Variants in TSPEAR observed in about 807,000 individuals in gnomAD.
TSPEAR encodes the protein thrombospondin type laminin G domain and EAR repeats.
A neutral mutation model predicts 71.6 loss-of-function variants in TSPEAR; 69 were observed. The observed-to-expected ratio is 0.96, with a 90% CI of 0.79 to 1.18. TSPEAR has a LOEUF of 1.18. Ranked by LOEUF, TSPEAR falls within the 50% of genes most tolerant of loss-of-function variation. TSPEAR has a pLI of 0.00. For missense variants in TSPEAR, 971 were observed against 894.9 expected, an observed-to-expected ratio of 1.09 and a Z score of -1.09; for synonymous variants, 402 against 387.2, an observed-to-expected ratio of 1.04 and a Z score of -0.45.
chr21:44,694,952 C>G (rs1340629307), intron 1 of TSPEAR, among the ~76,000 whole-genome samples: 1 of 152,218 alleles, frequency 6.6e-6, no homozygotes, highest in Non-Finnish European at 1.5e-5. Context: ...TCTGCTCACA[C>G]AGAGCATGGA....
chr21:44,688,110 A>T (rs1986942992), intron 1 of TSPEAR, among the ~76,000 whole-genome samples: 1 of 152,226 alleles, frequency 6.6e-6, no homozygotes, highest in South Asian at 2.1e-4. Context: ...AGTTCAGAAG[A>T]TGAAAACAGT....
intron 1 of TSPEAR, among the ~76,000 whole-genome samples, chr21:44,570,575 G>T (rs193090489): frequency 8.3e-4 from 127 of 152,358 alleles, no homozygotes; most frequent in African/African-American, 3.1e-3. Flanking sequence ...TGAGGATGGA[G>T]AAGGAGGGAA....
intron 1 of TSPEAR, among the ~76,000 whole-genome samples, chr21:44,660,207 T>C (rs9978068): frequency 0.11 from 15,993 of 152,134 alleles, 1,485 homozygotes; most frequent in African/African-American, 0.25. Context: ...AAGAAATATT[T>C]AAAGAGGTAA....
At position 44,623,921 on chromosome 21, in the gene TSPEAR, A is replaced by G. The variant is rs1176182029; in HGVS notation, c.83-55916T>C. ...GTATTCACCTTGCTAAACATTCTTAAATGCTTTTTGCATCTATGGGTTAAT... is the reference window on the plus strand; with the variant it reads ...GTATTCACCTTGCTAAACATTCTTAGATGCTTTTTGCATCTATGGGTTAAT... On this transcript the variant is annotated intron_variant, in intron 1 of 11. Coordinates refer to ENST00000323084, the MANE Select transcript of TSPEAR (RefSeq NM_144991.3). This position sits in a 1 kb window ranked among gnomAD's most constrained non-coding sequence, Gnocchi z 4.5. 2.0e-5 allele frequency among the ~76,000 whole-genome samples: 3 copies of G among 152,132 alleles called. No homozygotes were observed. Among genetic ancestry groups the G allele is most frequent in the African/African-American group, 7.2e-5 (3 of 41,410 alleles).
intron 2 of TSPEAR, chr21:44,539,252 C>A (rs1555916762): frequency 6.3e-7 from 1 of 1,585,520 alleles, no homozygotes; most frequent in South Asian, 1.2e-5. Flanking sequence ...GCCCAGCTGG[C>A]CCAGGGCGGG....
At chr21:44,535,261 G>T (rs1310565935) in intron 2 of TSPEAR, among the ~76,000 whole-genome samples, 1 of 152,052 alleles carries the variant, frequency 6.6e-6, no homozygotes, top group African/African-American at 2.4e-5. Context: ...TAAAAAACAA[G>T]AACGTATACA....
At chr21:44,664,548 T>C (rs1555944310) in intron 1 of TSPEAR, among the ~76,000 whole-genome samples, 1 of 152,198 alleles carries the variant, frequency 6.6e-6, no homozygotes, top group Non-Finnish European at 1.5e-5. Flanking sequence ...TCTGTAGATA[T>C]TGATAAGCTT....
intron 1 of TSPEAR, among the ~76,000 whole-genome samples, chr21:44,691,010 T>A (rs959690089): frequency 6.6e-6 from 1 of 152,190 alleles, no homozygotes; most frequent in Admixed American, 6.5e-5. Context: ...GCTTCTCTAA[T>A]TTAAAGTGGG....
At chr21:44,637,439 A>G (rs1555936982) in intron 1 of TSPEAR, 1 of 1,609,994 alleles carries the variant, frequency 6.2e-7, no homozygotes, top group Non-Finnish European at 8.5e-7. Context: ...CACCATGTCC[A>G]TCTGCTCCAG....
intron 3 of TSPEAR, among the ~76,000 whole-genome samples, chr21:44,531,910 G>A (rs1177538162): frequency 5.9e-5 from 9 of 152,310 alleles, no homozygotes; most frequent in East Asian, 3.9e-4. Context: ...GGAAGAGCAG[G>A]GGTGCCTTCG....
rs144648804 is a variant in TSPEAR, at chr21:44,512,750, C to T, written c.1567-3364G>A. Among the ~76,000 whole-genome samples, 424 of 151,432 alleles carry T rather than the reference C, an allele frequency of 2.8e-3. 2 individuals are homozygous for T. Among genetic ancestry groups the T allele is most frequent in the Middle Eastern group, 0.011 (3 of 282 alleles). Reference sequence around the variant, plus strand: ...ATCTTGGTTGGAGCCCAAGGTGGGGCGTGTATTTGTTCCAGGAAGAGCACG... The same window carrying T: ...ATCTTGGTTGGAGCCCAAGGTGGGGTGTGTATTTGTTCCAGGAAGAGCACG... On this transcript the variant is annotated intron_variant, in intron 9 of 11. Transcript: ENST00000323084.
intron 1 of TSPEAR, among the ~76,000 whole-genome samples, chr21:44,587,385 C>T (rs1979409341): frequency 6.6e-6 from 1 of 152,146 alleles, no homozygotes; most frequent in Non-Finnish European, 1.5e-5. Context: ...AAATAAATCA[C>T]AGACAACACA....
At chr21:44,685,287 C>A (rs1252077682) in intron 1 of TSPEAR, among the ~76,000 whole-genome samples, 3 of 152,164 alleles carry the variant, frequency 2.0e-5, no homozygotes, top group African/African-American at 7.2e-5. Flanking sequence ...CTGTGTGACA[C>A]CACCGTAGAA....
At chr21:44,630,441 G>C (rs1983189761) in intron 1 of TSPEAR, among the ~76,000 whole-genome samples, 2 of 152,210 alleles carry the variant, frequency 1.3e-5, no homozygotes, top group African/African-American at 4.8e-5. Flanking sequence ...AAAAAACCTG[G>C]GAGGAAGAGC....
chr21:44,698,078 A>G, intron 1 of TSPEAR: 1 of 1,080,870 alleles, frequency 9.3e-7, no homozygotes, highest in South Asian at 1.6e-5. Flanking sequence ...ATGCGTGCAC[A>G]GCCTCTCTTC....
At chr21:44,601,875 T>C in intron 1 of TSPEAR, 1 of 1,179,380 alleles carries the variant, frequency 8.5e-7, no homozygotes, top group Admixed American at 2.8e-5. Context: ...CAGTGTGCGC[T>C]TCTCCTCCTA....
chr21:44,697,572 G>C, intron 1 of TSPEAR: 2 of 1,613,280 alleles, frequency 1.2e-6, no homozygotes, highest in Non-Finnish European at 1.7e-6. Flanking sequence ...ATGCCCGTCT[G>C]CTGTGGGCCT....
intron 1 of TSPEAR, among the ~76,000 whole-genome samples, chr21:44,594,438 C>CT (rs1980221443): frequency 6.6e-6 from 1 of 152,158 alleles, no homozygotes; most frequent in Non-Finnish European, 1.5e-5. Flanking sequence ...TGAAAGTGTG[C>CT]TGGGTGTGCC....
chr21:44,558,873 T>A, intron 2 of TSPEAR: 1 of 917,424 alleles, frequency 1.1e-6, no homozygotes, highest in Non-Finnish European at 1.6e-6. Context: ...TCGAGAAGCC[T>A]TCCTCTTCCT....
Sources: allele counts gnomAD v4.1 joint callset (sites outside exome capture counted in the v4.1 genomes callset), GRCh38; gene constraint gnomAD v4.1.1; non-coding constraint Gnocchi (gnomAD v3.1); transcripts MANE v1.5; gene names NCBI Gene and HGNC (gene_info 2026-07-23, HGNC 2026-07-21).